The following TENM2 variants were observed in gnomAD, a reference collection of about 807,000 sequenced individuals.
The protein encoded by TENM2 is teneurin transmembrane protein 2.
A neutral mutation model predicts 245.2 loss-of-function variants in TENM2; 52 were observed. The ratio of observed to expected loss-of-function variants is 0.21; its 90% CI spans 0.17 to 0.27. TENM2 has a LOEUF of 0.27. Ranked by LOEUF, TENM2 falls within the 10% of genes least tolerant of loss-of-function variation. TENM2 has a pLI of 1.00. For missense variants in TENM2, 3,046 were observed against 3,666.8 expected, an observed-to-expected ratio of 0.83 and a Z score of 4.37; for synonymous variants, 1,363 against 1,438.9, an observed-to-expected ratio of 0.95 and a Z score of 1.19.
intron 1 of TENM2, among the ~76,000 whole-genome samples, chr5:167,318,687 T>G (rs535616116): frequency 6.6e-6 from 1 of 152,276 alleles, no homozygotes; most frequent in East Asian, 1.9e-4. Flanking sequence ...TTTGGAGGTT[T>G]TATTCAGGAT....
At chr5:167,104,964 C>T in the TENM2 span, among the ~76,000 whole-genome samples, 141 of 152,134 alleles carry the variant, frequency 9.3e-4, no homozygotes, top group Admixed American at 1.6e-3. Flanking sequence ...AAAATGTAAT[C>T]CTTTCTGCAA....
chr5:167,214,602 G>T, the TENM2 span, among the ~76,000 whole-genome samples: 1 of 152,092 alleles, frequency 6.6e-6, no homozygotes. Flanking sequence ...ATCTATCTCG[G>T]TTCTTCTAAG....
intron 2 of TENM2, chr5:167,755,041 C>A: frequency 6.3e-7 from 1 of 1,592,384 alleles, no homozygotes. Flanking sequence ...CGGCCCACTC[C>A]CAGCTTACGC....
chr5:167,844,273 TA>T (rs1769829904), intron 2 of TENM2, among the ~76,000 whole-genome samples: 1 of 152,182 alleles, frequency 6.6e-6, no homozygotes, highest in Non-Finnish European at 1.5e-5. Context: ...TGACTTGCAG[TA>T]AATTGCCTGG....
At chr5:168,234,243 C>T (rs1011591956) in intron 25 of TENM2, among the ~76,000 whole-genome samples, 76 of 152,236 alleles carry the variant, frequency 5.0e-4, no homozygotes, top group Non-Finnish European at 2.9e-4. Context: ...AGGAAGGTAT[C>T]TCCCCCAGCA....
At position 167,440,406 on chromosome 5, in the gene TENM2, C is replaced by A. The variant is rs574469423; in HGVS notation, c.502+64933C>A. Among the ~76,000 whole-genome samples, 28 of 152,036 alleles carry A rather than the reference C, an allele frequency of 1.8e-4. No homozygotes were observed. The South Asian group carries it at 5.6e-3, about 31-fold the overall frequency. ...CATTGGAAATGGCTTCCTGGATCCC[C>A]GCATTGAAAAGGATTATGAAGCATA... On this transcript the variant is annotated intron_variant, in intron 2 of 28. Transcript: ENST00000518659.
chr5:167,537,971 G>A (rs969128703), intron 2 of TENM2, among the ~76,000 whole-genome samples: 3 of 152,198 alleles, frequency 2.0e-5, no homozygotes, highest in African/African-American at 4.8e-5. Context: ...TACACCTTAA[G>A]GGAGGAAGGA....
chr5:167,222,610 A>G, the TENM2 span, among the ~76,000 whole-genome samples: 1 of 151,870 alleles, frequency 6.6e-6, no homozygotes, highest in Admixed American at 6.6e-5. Flanking sequence ...AATCACTTTT[A>G]TTTATGGACA....
intron 2 of TENM2, chr5:167,653,192 G>A (rs1349164981): frequency 6.6e-6 from 1 of 151,912 alleles, no homozygotes; most frequent in Non-Finnish European, 1.5e-5. Context: ...GTATTAAGTG[G>A]AATAATAGAA....
chr5:167,375,190 C>T lies in TENM2; in HGVS notation c.227-8C>T. On this transcript the variant is annotated splice_region_variant and splice_polypyrimidine_tract_variant and intron_variant, in intron 1 of 28. Transcript: ENST00000518659. ...TTTTAATCAGCTTCTCTGTCACTGT[C>T]ACCCTAGGAACCAACTTCACCCTTG... is the stretch of plus-strand genomic sequence containing the variant. 1 of 1,549,616 alleles carries T rather than the reference C, an allele frequency of 6.5e-7. No homozygotes were observed. Among genetic ancestry groups the T allele is most frequent in the Non-Finnish European group, 8.7e-7 (1 of 1,146,514 alleles).
chr5:167,490,234 C>G (rs555414927), intron 2 of TENM2, among the ~76,000 whole-genome samples: 2 of 152,190 alleles, frequency 1.3e-5, no homozygotes, highest in Non-Finnish European at 2.9e-5. Context: ...TCAACTTGAT[C>G]CACACAATGC....
chr5:168,036,869 C>G (rs528612079), intron 5 of TENM2, among the ~76,000 whole-genome samples: 2 of 151,324 alleles, frequency 1.3e-5, no homozygotes, highest in African/African-American at 2.4e-5. Context: ...TTTATAGATG[C>G]AAGTAGCTTA....
At chr5:168,155,978 T>C (rs1002781487) in intron 12 of TENM2, among the ~76,000 whole-genome samples, 3 of 151,500 alleles carry the variant, frequency 2.0e-5, no homozygotes, top group African/African-American at 4.9e-5. Flanking sequence ...CACATATTTC[T>C]TGAATGTCTG....
At chr5:167,850,531 G>A (rs966783029) in intron 2 of TENM2, among the ~76,000 whole-genome samples, 2 of 152,130 alleles carry the variant, frequency 1.3e-5, no homozygotes, top group Admixed American at 6.5e-5. Context: ...AAATCCTCCC[G>A]AGTTCAAAAT....
chr5:168,075,911 G>A (rs1791424458), intron 7 of TENM2, among the ~76,000 whole-genome samples: 1 of 152,078 alleles, frequency 6.6e-6, no homozygotes, highest in Non-Finnish European at 1.5e-5. Flanking sequence ...GATCTCAGGT[G>A]ACCTATTCAC....
exon 4 of TENM2, chr5:167,952,720 T>A: frequency 6.2e-7 from 1 of 1,605,954 alleles, no homozygotes; most frequent in East Asian, 2.3e-5. Flanking sequence ...CGGAGTCAGA[T>A]CCACGCCCCG....
chr5:167,547,864 A>T, intron 2 of TENM2, among the ~76,000 whole-genome samples: 1 of 152,238 alleles, frequency 6.6e-6, no homozygotes, highest in East Asian at 1.9e-4. Flanking sequence ...ACAAAGGGAA[A>T]GGTGGAGACA....
At chr5:167,213,218 C>T in the TENM2 span, among the ~76,000 whole-genome samples, 579 of 152,216 alleles carry the variant, frequency 3.8e-3, 5 homozygotes, top group African/African-American at 0.013. Context: ...TTTGTATATA[C>T]GCCATCAAGG....
intron 2 of TENM2, among the ~76,000 whole-genome samples, chr5:167,507,303 A>C (rs1480247591): frequency 6.6e-6 from 1 of 152,212 alleles, no homozygotes; most frequent in Non-Finnish European, 1.5e-5. Context: ...CGTGGGTTAG[A>C]AAATCAACTC....
Sources: gnomAD v4.1 joint callset for allele counts (sites outside exome capture counted in the v4.1 genomes callset) on GRCh38, gnomAD v4.1.1 for gene constraint, MANE v1.5 for transcripts, NCBI Gene and HGNC (gene_info 2026-07-23, HGNC 2026-07-21) for gene names.